AHCYL1: variants seen among roughly 807,000 people sequenced by gnomAD.
AHCYL1 encodes the protein adenosylhomocysteinase like 1.
AHCYL1 carries 20 observed loss-of-function variants against 79.3 expected under a neutral mutation model. The ratio of observed to expected loss-of-function variants is 0.25; its 90% CI spans 0.18 to 0.37. The LOEUF (loss-of-function observed/expected upper bound fraction) is 0.37. Ranked by LOEUF, AHCYL1 falls within the 10% of genes least tolerant of loss-of-function variation. The pLI, the probability that AHCYL1 is intolerant of heterozygous loss-of-function variation, is 1.00. For synonymous variants in AHCYL1, 223 were observed against 242.2 expected (o/e 0.92, Z 0.74); for missense variants, 330 against 673.6 (o/e 0.49, Z 5.65).
rs1475891921 is a variant in AHCYL1 at position 110,021,951 on chromosome 1, C to A, written c.*271C>A. ...CCCAGAAAGGTGATTCTTTCTTTAC[C>A]ATTTCTGGGGACTTTAGTCTTAATT... On this transcript the variant is annotated 3_prime_UTR_variant, in exon 17 of 17. Transcript: ENST00000369799. The A allele has an allele frequency of 4.8e-6, 2 of 417,948 alleles. No homozygotes were observed. The highest frequency in any genetic ancestry group is 8.4e-6 in the Non-Finnish European group (2 of 236,846). The allele number at this position is 417,948 out of a possible 1,614,324, so 25.9% of individuals were successfully genotyped here. A position where few individuals can be genotyped will look rare whatever the true frequency, so the allele number is the denominator to read the frequency against.
intron 1 of AHCYL1, among the ~76,000 whole-genome samples, chr1:109,988,832 G>A (rs756040610): frequency 6.6e-6 from 1 of 152,186 alleles, no homozygotes; most frequent in Non-Finnish European, 1.5e-5. Flanking sequence ...TCATCAAAAG[G>A]GTCAGCTGAG....
chr1:109,994,508 C>T (rs923594268), intron 1 of AHCYL1, among the ~76,000 whole-genome samples: 8 of 152,084 alleles, frequency 5.3e-5, no homozygotes, highest in South Asian at 4.1e-4. Context: ...AGGGTGGTCT[C>T]GAACTCCTGA....
intron 1 of AHCYL1, among the ~76,000 whole-genome samples, chr1:110,005,708 A>G (rs982770125): frequency 2.0e-5 from 3 of 152,170 alleles, no homozygotes; most frequent in Middle Eastern, 6.8e-3. Context: ...GCTATTTAAC[A>G]TCTGAGAATA....
chr1:109,993,810 G>A (rs558807769), intron 1 of AHCYL1, among the ~76,000 whole-genome samples: 9 of 152,264 alleles, frequency 5.9e-5, no homozygotes, highest in Admixed American at 1.3e-4. Context: ...TTAGCATTAG[G>A]GAGACTCTGT....
chr1:110,003,418 T>C (rs748310276), intron 1 of AHCYL1, among the ~76,000 whole-genome samples: 3 of 152,172 alleles, frequency 2.0e-5, no homozygotes, highest in Admixed American at 6.5e-5. Context: ...GTGTTTATTA[T>C]ACTATGCTTT....
intron 4 of AHCYL1, 109 bp from the exon 5 acceptor site, chr1:110,012,787 TA>T: frequency 1.3e-6 from 1 of 746,974 alleles, no homozygotes; most frequent in African/African-American, 1.8e-5. Flanking sequence ...CTTTCCAGTG[TA>T]GCACCTGTTG....
intron 7 of AHCYL1, among the ~76,000 whole-genome samples, chr1:110,015,805 C>T (rs1651381595): frequency 6.6e-6 from 1 of 152,136 alleles, no homozygotes. Context: ...TCTTGAAAAA[C>T]TGTATTCAAT....
At chr1:110,013,051 T>C (rs1173734361) in intron 5 of AHCYL1, 52 bp downstream of exon 5, 1 of 1,407,350 alleles carries the variant, frequency 7.1e-7, no homozygotes, top group Non-Finnish European at 9.8e-7. Context: ...TATCCAAACA[T>C]ATAACTTTTT....
At chr1:110,018,893 A>G (rs1570893882) in intron 13 of AHCYL1, 158 bp from the exon 14 acceptor site, 1 of 775,000 alleles carries the variant, frequency 1.3e-6, no homozygotes, top group East Asian at 2.5e-5. Flanking sequence ...GGATTTGCAG[A>G]AAATAGGAAA....
At chr1:110,011,083 A>G in intron 2 of AHCYL1, 131 bp from the exon 3 acceptor site, 2 of 1,116,110 alleles carry the variant, frequency 1.8e-6, no homozygotes, top group Non-Finnish European at 2.5e-6. Context: ...CAGAACTGAG[A>G]GCGTTGTAAA....
rs373919712 is a variant in AHCYL1, at chr1:109,985,704, A to G, written c.120+532A>G. ...GAGGGTAACATGAAACTGAAAATCT[A>G]TGATTTTCACTTTCTACAGCATTCC... On this transcript the variant is annotated intron_variant, in intron 1 of 16. Transcript: ENST00000369799. Among the ~76,000 whole-genome samples, 6 of 152,322 alleles carry G rather than the reference A, an allele frequency of 3.9e-5. No individual in the cohort carries two copies. In the East Asian group the frequency reaches 7.7e-4, roughly 20 times the overall value.
At position 110,004,366 on chromosome 1, in the gene AHCYL1, C is replaced by A. The variant is rs768456837; in HGVS notation, c.121-4668C>A. 8.4e-5 allele frequency: 83 copies of A among 985,322 alleles called. 1 individual carries two copies. Among genetic ancestry groups the A allele is most frequent in the Non-Finnish European group, 9.9e-5 (82 of 829,986 alleles). 61.0% of individuals were successfully genotyped at this position (985,322 alleles called of 1,614,324 possible). A position where few individuals can be genotyped will look rare whatever the true frequency, so the allele number is the denominator to read the frequency against. On this transcript the variant is annotated intron_variant, in intron 1 of 16. Coordinates refer to ENST00000369799, the MANE Select transcript of AHCYL1 (RefSeq NM_006621.7). ...CTAAGTCTCAGAAGACTGGTTTCTG[C>A]ACAAGGGAATGGAAGAAGTGACTGG... is the stretch of plus-strand genomic sequence containing the variant.
At chr1:109,996,367 T>C (rs1402476542) in intron 1 of AHCYL1, among the ~76,000 whole-genome samples, 1 of 152,246 alleles carries the variant, frequency 6.6e-6, no homozygotes, top group East Asian at 1.9e-4. Context: ...CCAGGAATCA[T>C]GTAGCCCCAT....
intron 16 of AHCYL1, 133 bp from the exon 17 acceptor site, chr1:110,021,541 C>A: frequency 1.4e-6 from 1 of 724,818 alleles, no homozygotes. Context: ...GAGACTGGTG[C>A]CCTGGGGAAT....
intron 14 of AHCYL1, among the ~76,000 whole-genome samples, 184 bp from the exon 15 acceptor site, chr1:110,019,364 A>G (rs905111658): frequency 6.6e-5 from 10 of 152,208 alleles, no homozygotes; most frequent in African/African-American, 2.4e-4. Flanking sequence ...TTCGTTAGGA[A>G]CTAAACAAAA....
Position 109,984,819 on chromosome 1 carries a change from T to C in AHCYL1, c.-234T>C, listed in dbSNP as rs1417460544. Reference sequence around the variant, plus strand: ...GGTGGCGGCGCGGGCAGGTCGGAGCTCGGAGCTGCTGTTCTGGTTCTCTTG... The same window carrying C: ...GGTGGCGGCGCGGGCAGGTCGGAGCCCGGAGCTGCTGTTCTGGTTCTCTTG... On this transcript the variant is annotated 5_prime_UTR_variant, in exon 1 of 17. Coordinates refer to ENST00000369799, the MANE Select transcript of AHCYL1 (RefSeq NM_006621.7). 1.5e-5 allele frequency: 5 copies of C among 323,504 alleles called. No homozygotes were observed. Among genetic ancestry groups the C allele is most frequent in the Non-Finnish European group, 2.1e-5 (5 of 240,032 alleles). The allele number at this position is 323,504 out of a possible 1,614,324, so 20.0% of individuals were successfully genotyped here.
chr1:110,004,257 C>G, intron 1 of AHCYL1: 2 of 985,484 alleles, frequency 2.0e-6, no homozygotes, highest in Non-Finnish European at 2.4e-6. Context: ...CCCTCTCCCC[C>G]AAGAAACTCA....
At position 110,022,009 on chromosome 1, in the gene AHCYL1, C is replaced by G. The variant is rs949692428; in HGVS notation, c.*329C>G. On this transcript the variant is annotated 3_prime_UTR_variant, in exon 17 of 17. Coordinates refer to ENST00000369799, the MANE Select transcript of AHCYL1 (RefSeq NM_006621.7). Reference sequence around the variant, plus strand: ...TTATTAACAGGAAATGCTAAGGTACCTTCTCTGTGGAACAATCTGCAATGT... The same window carrying G: ...TTATTAACAGGAAATGCTAAGGTACGTTCTCTGTGGAACAATCTGCAATGT... 7.5e-6 allele frequency: 2 copies of G among 268,244 alleles called. No individual in the cohort carries two copies. The highest frequency in any genetic ancestry group is 4.5e-5 in the African/African-American group (2 of 44,450). The allele number at this position is 268,244 out of a possible 1,614,324, so 16.6% of individuals were successfully genotyped here.
intron 1 of AHCYL1, among the ~76,000 whole-genome samples, chr1:109,996,063 C>T (rs969353205): frequency 3.3e-5 from 5 of 152,002 alleles, no homozygotes; most frequent in Non-Finnish European, 7.4e-5. Flanking sequence ...AAAAATTAGC[C>T]GGGTGTGGTA....
Sources: gnomAD v4.1 joint callset for allele counts (sites outside exome capture counted in the v4.1 genomes callset) on GRCh38, gnomAD v4.1.1 for gene constraint, MANE v1.5 for transcripts, NCBI Gene and HGNC (gene_info 2026-07-23, HGNC 2026-07-21) for gene names.